The following GPAT3 variants were observed in gnomAD, a reference collection of about 807,000 sequenced individuals.
GPAT3 encodes glycerol-3-phosphate acyltransferase 3.
A neutral mutation model predicts 58.8 loss-of-function variants in GPAT3; 53 were observed. The ratio of observed to expected loss-of-function variants is 0.90; its 90% confidence interval spans 0.72 to 1.13. The LOEUF (loss-of-function observed/expected upper bound fraction) is 1.13. GPAT3 is among the 50% of genes most tolerant of loss of function. GPAT3 has a pLI of 0.00. For synonymous variants in GPAT3, 197 were observed against 187.4 expected (o/e 1.05, Z -0.42); for missense variants, 511 against 527.6 (o/e 0.97, Z 0.31).
At chr4:83,555,115 G>A (rs1377252447) in intron 2 of GPAT3, among the ~76,000 whole-genome samples, 1 of 152,080 alleles carries the variant, frequency 6.6e-6, no homozygotes, top group Non-Finnish European at 1.5e-5. Context: ...CCTCTTCTGA[G>A]AGTTGGCTTT....
chr4:83,598,684 CT>C lies in GPAT3; in HGVS notation c.1167del (p.Ala390LeufsTer8). ...DAVQFANRVK[S>X]AIAIQGGLTE... ...GTCCAGTTTGCTAACAGGGTTAAGT[CT>C]GCTATTGCTATACAAGGAGGCCTGA... On this transcript the variant is annotated frameshift_variant, in exon 11 of 12. Transcript: ENST00000264409. LOFTEE classifies it high-confidence loss of function. 6.7e-7 allele frequency: 1 copy of C among 1,489,334 alleles called. No individual in the cohort carries two copies. The highest frequency in any genetic ancestry group is 9.0e-7 in the Non-Finnish European group (1 of 1,109,826). The allele number at this position is 1,489,334 out of a possible 1,614,324, so 92.3% of individuals were successfully genotyped here.
At chr4:83,559,137 A>G (rs1725040598) in intron 2 of GPAT3, among the ~76,000 whole-genome samples, 1 of 152,164 alleles carries the variant, frequency 6.6e-6, no homozygotes, top group African/African-American at 2.4e-5. Context: ...ATTTTGGGAG[A>G]GGTATAAGTT....
chr4:83,590,335 T>G (rs1203008313), intron 6 of GPAT3, 43 bp downstream of exon 6: 3 of 1,582,812 alleles, frequency 1.9e-6, no homozygotes, highest in Non-Finnish European at 2.6e-6. Flanking sequence ...GCATGTTTTA[T>G]GGATTGATCA....
Position 83,593,055 on chromosome 4 carries a change from C to T in GPAT3, c.739-1790C>T, listed in dbSNP as rs552406163. Among the ~76,000 whole-genome samples the T allele has an allele frequency of 2.7e-4, 40 of 149,714 alleles. No homozygotes were observed. In the South Asian group the frequency reaches 3.2e-3, roughly 12 times the overall value. ...TTAATTTTTGTATTTTTAGTAGAGA[C>T]GGGGTTTTGCCATGTTGGCCAGGCT... On this transcript the variant is annotated intron_variant, in intron 6 of 11. Coordinates refer to ENST00000264409, the MANE Select transcript of GPAT3 (RefSeq NM_032717.5).
At chr4:83,570,532 G>C (rs1024935720) in intron 2 of GPAT3, among the ~76,000 whole-genome samples, 9 of 150,348 alleles carry the variant, frequency 6.0e-5, no homozygotes, top group African/African-American at 2.2e-4. Flanking sequence ...GAGTGCAGCG[G>C]CACGATCTCG....
intron 11 of GPAT3, among the ~76,000 whole-genome samples, chr4:83,602,054 A>T (rs1294337551): frequency 6.6e-6 from 1 of 152,252 alleles, no homozygotes; most frequent in African/African-American, 2.4e-5. Flanking sequence ...GAATCATAGC[A>T]TCACAAAACT....
At chr4:83,562,074 A>G (rs1725145176) in intron 2 of GPAT3, among the ~76,000 whole-genome samples, 2 of 149,706 alleles carry the variant, frequency 1.3e-5, no homozygotes, top group South Asian at 4.2e-4. Context: ...GAATGATTTC[A>G]GGAAAAGGGG....
At chr4:83,536,956 CTAGGCT>C (rs1370129261) in intron 1 of GPAT3, among the ~76,000 whole-genome samples, 193 bp downstream of exon 1, 1 of 152,188 alleles carries the variant, frequency 6.6e-6, no homozygotes, top group Non-Finnish European at 1.5e-5. Context: ...CTGGAGGGAT[CTAGGCT>C]GGAACCACTG....
intron 3 of GPAT3, among the ~76,000 whole-genome samples, chr4:83,586,159 G>A (rs1379606990): frequency 1.3e-5 from 2 of 152,192 alleles, no homozygotes; most frequent in African/African-American, 2.4e-5. Context: ...ATTGCGTGGT[G>A]TATAGTGTTA....
chr4:83,604,135 G>A (rs952975954), intron 11 of GPAT3, among the ~76,000 whole-genome samples: 3 of 152,098 alleles, frequency 2.0e-5, no homozygotes. Context: ...GCAATGGCGT[G>A]ATCTCGGCTC....
chr4:83,598,602 A>G (rs1419450585), intron 10 of GPAT3, 42 bp from the exon 11 acceptor site: 2 of 1,500,582 alleles, frequency 1.3e-6, no homozygotes, highest in Non-Finnish European at 1.8e-6. Context: ...TAAAAACTCG[A>G]TAACTAAGAT....
chr4:83,546,365 G>A (rs898102893), intron 2 of GPAT3, among the ~76,000 whole-genome samples: 1 of 147,488 alleles, frequency 6.8e-6, no homozygotes, highest in African/African-American at 2.5e-5. Flanking sequence ...AGAGGGTCTA[G>A]TAGCGTGGAT....
At chr4:83,587,412 C>T in intron 4 of GPAT3, 83 bp downstream of exon 4, 3 of 1,183,138 alleles carry the variant, frequency 2.5e-6, no homozygotes, top group Non-Finnish European at 3.7e-6. Context: ...TTGTTTGATT[C>T]CTATGTATTG....
intron 2 of GPAT3, among the ~76,000 whole-genome samples, chr4:83,551,487 A>AT (rs33960272): frequency 6.6e-6 from 1 of 151,398 alleles, no homozygotes; most frequent in Non-Finnish European, 1.5e-5. Flanking sequence ...TGTATTTATA[A>AT]TTTTTTTTCT....
chr4:83,550,364 CT>C (rs1323164630), intron 2 of GPAT3, among the ~76,000 whole-genome samples: 2 of 151,998 alleles, frequency 1.3e-5, no homozygotes, highest in African/African-American at 4.8e-5. Flanking sequence ...AAATGTCCCC[CT>C]GATTGCATTA....
chr4:83,544,329 C>A (rs560187795), intron 1 of GPAT3, among the ~76,000 whole-genome samples: 1 of 152,254 alleles, frequency 6.6e-6, no homozygotes, highest in Admixed American at 6.5e-5. Flanking sequence ...GTCCTTTCCA[C>A]ATTTTATTAG....
At position 83,562,211 on chromosome 4, in the gene GPAT3, TTA is replaced by T. The variant is rs1553944907; in HGVS notation, c.208+17622_208+17623del. The stretch of plus-strand genomic sequence containing the variant: ...TATATATATATATAATATATATATA[TTA>T]TATATATATATAATATATATATAAT... On this transcript the variant is annotated intron_variant, in intron 2 of 11. Coordinates refer to ENST00000264409, the MANE Select transcript of GPAT3 (RefSeq NM_032717.5). Among the ~76,000 whole-genome samples, 595 of 72,900 alleles carry T rather than the reference TTA, an allele frequency of 8.2e-3. 6 individuals are homozygous for T. The highest frequency in any genetic ancestry group is 0.012 in the Admixed American group (95 of 7,670). 47.8% of individuals were successfully genotyped at this position (72,900 alleles called of 152,430 possible).
rs1578152828 is a variant in GPAT3, at chr4:83,536,470, G to A, written c.-153G>A. 6.9e-7 allele frequency: 1 copy of A among 1,455,608 alleles called. No homozygotes were observed. Among genetic ancestry groups the A allele is most frequent in the Admixed American group, 2.6e-5 (1 of 38,474 alleles). The allele number at this position is 1,455,608 out of a possible 1,614,324, so 90.2% of individuals were successfully genotyped here. Reference sequence around the variant, plus strand: ...GAAGGAAGGATATTGCCGTAATTCTGAAAGTTTTTTTCCTTCCTCTCTTCC... The same window carrying A: ...GAAGGAAGGATATTGCCGTAATTCTAAAAGTTTTTTTCCTTCCTCTCTTCC... On this transcript the variant is annotated 5_prime_UTR_variant, in exon 1 of 12. Coordinates refer to ENST00000264409, the MANE Select transcript of GPAT3 (RefSeq NM_032717.5).
At chr4:83,551,480 A>T (rs1222498896) in intron 2 of GPAT3, among the ~76,000 whole-genome samples, 1 of 131,210 alleles carries the variant, frequency 7.6e-6, no homozygotes, top group East Asian at 2.1e-4. Context: ...CTTTAACTGT[A>T]TTTATAATTT....
Sources: allele counts gnomAD v4.1 joint callset (sites outside exome capture counted in the v4.1 genomes callset), GRCh38; gene constraint gnomAD v4.1.1; transcripts MANE v1.5; gene names NCBI Gene and HGNC (gene_info 2026-07-23, HGNC 2026-07-21).